Variants in SGCZ observed in about 807,000 individuals in gnomAD.
The protein encoded by SGCZ is zeta-sarcoglycan.
Under a neutral mutation model 41.3 loss-of-function variants are expected in SGCZ, and 40 were observed. The observed-to-expected ratio is 0.97, with a 90% CI of 0.75 to 1.26. The LOEUF (loss-of-function observed/expected upper bound fraction) is 1.26, where lower values mean the gene tolerates loss of function less well. SGCZ is among the 50% of genes most tolerant of loss of function. The pLI is 0.00. For missense variants in SGCZ, 552 were observed against 369.8 expected (o/e 1.49, Z -4.04); for synonymous variants, 206 against 137.5 (o/e 1.50, Z -3.49).
intron 1 of SGCZ, among the ~76,000 whole-genome samples, chr8:14,780,986 C>G (rs576251296): frequency 3.9e-5 from 6 of 151,994 alleles, no homozygotes; most frequent in Non-Finnish European, 7.4e-5. Flanking sequence ...GTCTTGATAC[C>G]AAGACCTAAA....
intron 1 of SGCZ, among the ~76,000 whole-genome samples, chr8:14,621,133 T>A (rs1806269980): frequency 6.6e-6 from 1 of 151,826 alleles, no homozygotes; most frequent in Non-Finnish European, 1.5e-5. Context: ...CTCATGTCCT[T>A]TGTAGGGACA....
intron 2 of SGCZ, among the ~76,000 whole-genome samples, chr8:14,474,284 T>C (rs1364611572): frequency 6.6e-6 from 1 of 152,216 alleles, no homozygotes; most frequent in Non-Finnish European, 1.5e-5. Context: ...GATATGCATA[T>C]GCAAACATCC....
At chr8:15,205,685 A>T (rs1801037110) in intron 1 of SGCZ, among the ~76,000 whole-genome samples, 1 of 152,220 alleles carries the variant, frequency 6.6e-6, no homozygotes, top group Non-Finnish European at 1.5e-5. Flanking sequence ...TAGTTCAACC[A>T]TTGAGAAAAG....
chr8:14,742,425 T>C (rs1040731439), intron 1 of SGCZ, among the ~76,000 whole-genome samples: 5 of 152,174 alleles, frequency 3.3e-5, no homozygotes, highest in East Asian at 1.9e-4. Context: ...GTCTGGCCCA[T>C]GTGGAGATAA....
intron 1 of SGCZ, among the ~76,000 whole-genome samples, chr8:14,813,544 T>C (rs1354245234): frequency 6.6e-6 from 1 of 152,232 alleles, no homozygotes; most frequent in South Asian, 2.1e-4. Context: ...AAAATCGTAA[T>C]ACACACTTTT....
At chr8:15,069,263 G>C (rs1805264713) in intron 1 of SGCZ, among the ~76,000 whole-genome samples, 1 of 151,944 alleles carries the variant, frequency 6.6e-6, no homozygotes, top group Non-Finnish European at 1.5e-5. Flanking sequence ...CAAACTCTTG[G>C]CCTCAAGTGA....
intron 1 of SGCZ, among the ~76,000 whole-genome samples, chr8:14,864,775 T>A (rs1803868490): frequency 6.6e-6 from 1 of 152,120 alleles, no homozygotes; most frequent in South Asian, 2.1e-4. Flanking sequence ...GGTAACTAAT[T>A]TGTATTCCCA....
intron 1 of SGCZ, among the ~76,000 whole-genome samples, chr8:15,149,629 T>C (rs537558301): frequency 2.9e-4 from 43 of 150,228 alleles, no homozygotes; most frequent in African/African-American, 7.7e-4. Flanking sequence ...ATTGCTAAGA[T>C]TGAAAATATT....
chr8:14,952,828 A>G (rs966887194), intron 1 of SGCZ, among the ~76,000 whole-genome samples: 2 of 152,202 alleles, frequency 1.3e-5, no homozygotes, highest in Admixed American at 1.3e-4. Context: ...AGCAATAGAA[A>G]TTAGAAGAAA....
At chr8:14,941,832 A>T (rs950953088) in intron 1 of SGCZ, among the ~76,000 whole-genome samples, 7 of 151,502 alleles carry the variant, frequency 4.6e-5, no homozygotes, top group African/African-American at 1.5e-4. Context: ...CATATATTGC[A>T]TGTTATATAT....
At chr8:15,149,732 A>AAT in intron 1 of SGCZ, among the ~76,000 whole-genome samples, 1 of 150,762 alleles carries the variant, frequency 6.6e-6, no homozygotes, top group African/African-American at 2.5e-5. Context: ...AAAAAAAAAA[A>AAT]GCCTTCCTGG....
intron 2 of SGCZ, among the ~76,000 whole-genome samples, chr8:14,514,810 TGTGTATATATACACGCAC>T (rs1163867749): frequency 1.8e-5 from 1 of 56,834 alleles, no homozygotes; most frequent in Non-Finnish European, 3.6e-5. Flanking sequence ...TGTGTGTGTG[TGTGTATATATACACGCAC>T]ACACACACAC....
At chr8:15,163,650 T>G (rs1328665712) in intron 1 of SGCZ, among the ~76,000 whole-genome samples, 1 of 152,242 alleles carries the variant, frequency 6.6e-6, no homozygotes, top group Admixed American at 6.5e-5. Flanking sequence ...GTTTAACTAA[T>G]GTCGACTTAT....
At chr8:15,014,690 G>T (rs1431364415) in intron 1 of SGCZ, among the ~76,000 whole-genome samples, 1 of 152,166 alleles carries the variant, frequency 6.6e-6, no homozygotes, top group Non-Finnish European at 1.5e-5. Context: ...TAGTCCTTCA[G>T]TGCACACTAA....
intron 2 of SGCZ, among the ~76,000 whole-genome samples, chr8:14,409,018 A>AC (rs1799289993): frequency 6.7e-6 from 1 of 148,288 alleles, no homozygotes; most frequent in Non-Finnish European, 1.5e-5. Flanking sequence ...GGCCTCATTA[A>AC]CTAGGTTTTC....
At chr8:14,976,926 C>T (rs1180200612) in intron 1 of SGCZ, among the ~76,000 whole-genome samples, 1 of 152,190 alleles carries the variant, frequency 6.6e-6, no homozygotes, top group Non-Finnish European at 1.5e-5. Flanking sequence ...GAGTGACGTA[C>T]ATTGTTGAAT....
intron 1 of SGCZ, among the ~76,000 whole-genome samples, chr8:15,163,718 T>A (rs554018058): frequency 6.6e-6 from 1 of 152,244 alleles, no homozygotes; most frequent in Non-Finnish European, 1.5e-5. Flanking sequence ...AGGATTCTTA[T>A]AACTCTTAAA....
intron 1 of SGCZ, among the ~76,000 whole-genome samples, chr8:15,019,992 A>G (rs982171172): frequency 6.6e-6 from 1 of 151,844 alleles, no homozygotes; most frequent in Non-Finnish European, 1.5e-5. Flanking sequence ...TGATTTTACT[A>G]GCAAGTCATT....
intron 1 of SGCZ, among the ~76,000 whole-genome samples, chr8:14,762,500 C>A (rs144915520): frequency 1.3e-5 from 2 of 152,146 alleles, no homozygotes; most frequent in African/African-American, 2.4e-5. Context: ...ATTAGCACAG[C>A]GCCCAACATA....
Sources: gnomAD v4.1 joint callset for allele counts (sites outside exome capture counted in the v4.1 genomes callset) on GRCh38, gnomAD v4.1.1 for gene constraint, MANE v1.5 for transcripts, NCBI Gene and HGNC (gene_info 2026-07-23, HGNC 2026-07-21) for gene names.